The following MYO16 variants were observed in gnomAD, a reference collection of about 807,000 sequenced individuals.
MYO16 encodes the protein unconventional myosin-XVI.
Under a neutral mutation model 205.3 loss-of-function variants are expected in MYO16, and 94 were observed. That is an observed-to-expected ratio of 0.46 (90% CI 0.39 to 0.54). The LOEUF is 0.54. MYO16 is among the 20% of genes least tolerant of loss of function. MYO16 has a pLI of 0.00. For missense variants in MYO16, 2,315 were observed against 2,387.5 expected, an observed-to-expected ratio of 0.97 and a Z score of 0.63; for synonymous variants, 988 against 954.0, an observed-to-expected ratio of 1.04 and a Z score of -0.66.
chr13:108,856,483 A>G (rs930538945), intron 11 of MYO16, among the ~76,000 whole-genome samples: 1 of 152,236 alleles, frequency 6.6e-6, no homozygotes, highest in Admixed American at 6.5e-5. Flanking sequence ...CTGTAAATAC[A>G]CTTAAAATTA....
At chr13:108,503,522 T>C in the MYO16 span, among the ~76,000 whole-genome samples, 1 of 152,152 alleles carries the variant, frequency 6.6e-6, no homozygotes, top group Non-Finnish European at 1.5e-5. Context: ...CAAAAATTCA[T>C]TTAGCTCTTT....
intron 3 of MYO16, among the ~76,000 whole-genome samples, chr13:108,724,542 T>G (rs1020934894): frequency 1.3e-5 from 2 of 152,154 alleles, no homozygotes; most frequent in African/African-American, 4.8e-5. Flanking sequence ...ATCTTCCTTT[T>G]TTTTAGTACT....
At chr13:108,952,315 C>T (rs907649529) in intron 16 of MYO16, among the ~76,000 whole-genome samples, 9 of 152,090 alleles carry the variant, frequency 5.9e-5, no homozygotes, top group African/African-American at 1.2e-4. Context: ...ACCTTCAGTG[C>T]GTCCCATCCG....
chr13:109,068,984 G>A (rs562250120), intron 27 of MYO16, among the ~76,000 whole-genome samples: 15 of 152,282 alleles, frequency 9.9e-5, no homozygotes, highest in African/African-American at 3.4e-4. Flanking sequence ...TACATTCAAG[G>A]CTGTGAATTC....
At chr13:109,188,943 A>G (rs567130743) in intron 34 of MYO16, among the ~76,000 whole-genome samples, 58 of 152,138 alleles carry the variant, frequency 3.8e-4, no homozygotes, top group Non-Finnish European at 7.9e-4. Context: ...AAAATACAAA[A>G]GTTAGCTGGG....
chr13:109,020,124 T>G (rs1885972506), intron 23 of MYO16, among the ~76,000 whole-genome samples: 1 of 152,184 alleles, frequency 6.6e-6, no homozygotes. Flanking sequence ...GTGGGCCTTC[T>G]CATAATGTTT....
At position 108,964,886 on chromosome 13, in the gene MYO16, C is replaced by G; in HGVS notation, c.2353C>G (p.Gln785Glu). ...TACCATGAATTCTTGCCTCCACAGT[C>G]AAGATGAACAGAAAAGGTAGGAGTT... ...VNTMNSCLHS[Q>E]DEQKSMQTLD... Residue 785 changes from glutamine (Q) to glutamate (E), a missense_variant, in exon 20 of 35, where the codon CAA becomes GAA. Gln to Glu is a conservative substitution (Grantham distance 29). Coordinates refer to ENST00000457511, the MANE Select transcript of MYO16 (RefSeq NM_001198950.3). The G allele has an allele frequency of 6.2e-7, 1 of 1,613,502 alleles. No homozygotes were observed. The highest frequency in any genetic ancestry group is 8.5e-7 in the Non-Finnish European group (1 of 1,179,692).
chr13:109,111,520 G>T (rs1293940652), intron 28 of MYO16, among the ~76,000 whole-genome samples: 1 of 152,164 alleles, frequency 6.6e-6, no homozygotes, highest in Admixed American at 6.5e-5. Context: ...AAAGCTGGAA[G>T]TATTTACTAG....
At chr13:108,672,113 AAT>A in intron 2 of MYO16, among the ~76,000 whole-genome samples, 1 of 152,238 alleles carries the variant, frequency 6.6e-6, no homozygotes, top group East Asian at 1.9e-4. Flanking sequence ...CTAGGGGAAA[AAT>A]ATGAATTTCT....
the MYO16 span, among the ~76,000 whole-genome samples, chr13:108,580,671 G>A: frequency 1.3e-5 from 2 of 152,194 alleles, no homozygotes; most frequent in African/African-American, 4.8e-5. Flanking sequence ...CTACAGGAGA[G>A]TGCACTCTTG....
chr13:109,191,269 G>A (rs765277353), intron 34 of MYO16, among the ~76,000 whole-genome samples: 2 of 152,030 alleles, frequency 1.3e-5, no homozygotes, highest in African/African-American at 4.8e-5. Flanking sequence ...ATCAAAAGAT[G>A]TTTATTGAGG....
chr13:109,144,703 C>T (rs554509417), intron 32 of MYO16, among the ~76,000 whole-genome samples: 4 of 152,180 alleles, frequency 2.6e-5, no homozygotes, highest in Non-Finnish European at 5.9e-5. Context: ...AACTAAAGTT[C>T]ATTTTTTGTT....
chr13:109,043,952 A>C (rs1310131809), intron 23 of MYO16, among the ~76,000 whole-genome samples: 1 of 152,202 alleles, frequency 6.6e-6, no homozygotes, highest in Non-Finnish European at 1.5e-5. Context: ...AAAGATTTCT[A>C]ACAGTTACTG....
chr13:108,812,264 T>G (rs1288164324), intron 7 of MYO16, among the ~76,000 whole-genome samples: 1 of 152,188 alleles, frequency 6.6e-6, no homozygotes, highest in African/African-American at 2.4e-5. Context: ...TTACCACAAC[T>G]TGCGGTAGTT....
chr13:108,881,025 G>T (rs1407957714), intron 12 of MYO16, among the ~76,000 whole-genome samples: 1 of 152,160 alleles, frequency 6.6e-6, no homozygotes, highest in African/African-American at 2.4e-5. Context: ...TAGCCTAATT[G>T]GGAGACACCT....
At chr13:109,143,155 C>A (rs1360065074) in intron 32 of MYO16, among the ~76,000 whole-genome samples, 2 of 152,086 alleles carry the variant, frequency 1.3e-5, no homozygotes, top group Non-Finnish European at 2.9e-5. Context: ...ATGCATTAAC[C>A]TGCTCCTTCA....
intron 2 of MYO16, among the ~76,000 whole-genome samples, chr13:108,673,512 T>G (rs1882080441): frequency 6.6e-6 from 1 of 152,176 alleles, no homozygotes; most frequent in South Asian, 2.1e-4. Flanking sequence ...TATCTCCATT[T>G]TATCACAAAA....
intron 12 of MYO16, among the ~76,000 whole-genome samples, chr13:108,866,886 C>T (rs1038600251): frequency 1.3e-5 from 2 of 152,150 alleles, no homozygotes; most frequent in South Asian, 2.1e-4. Flanking sequence ...TTCCTGAAGC[C>T]GGGGCTCACT....
intron 11 of MYO16, among the ~76,000 whole-genome samples, chr13:108,865,711 G>GT (rs1384659204): frequency 3.3e-5 from 5 of 151,850 alleles, no homozygotes; most frequent in African/African-American, 1.2e-4. Context: ...TTGTGCCTTT[G>GT]TATCTCATTG....
Sources: allele counts gnomAD v4.1 joint callset (sites outside exome capture counted in the v4.1 genomes callset), GRCh38; gene constraint gnomAD v4.1.1; transcripts MANE v1.5; gene names NCBI Gene and HGNC (gene_info 2026-07-23, HGNC 2026-07-21).